SHTN1: variants seen among roughly 807,000 people sequenced by gnomAD.
SHTN1 encodes the protein shootin-1.
SHTN1 carries 42 observed loss-of-function variants against 83.1 expected under a neutral mutation model. The ratio of observed to expected loss-of-function variants is 0.51; its 90% CI spans 0.39 to 0.65. The LOEUF (loss-of-function observed/expected upper bound fraction) is 0.65. SHTN1 is among the 30% of genes least tolerant of loss of function. The probability of loss-of-function intolerance (pLI) is 0.00; values close to 1 mark genes in which losing one functional copy is unlikely to be tolerated. For synonymous variants in SHTN1, 224 were observed against 247.7 expected, an observed-to-expected ratio of 0.90 and a Z score of 0.90; for missense variants, 622 against 737.8, an observed-to-expected ratio of 0.84 and a Z score of 1.82.
At chr10:117,026,340 A>C (rs1201507303) in intron 2 of SHTN1, among the ~76,000 whole-genome samples, 1 of 152,064 alleles carries the variant, frequency 6.6e-6, no homozygotes, top group Admixed American at 6.5e-5. Flanking sequence ...GCCTTTGGAA[A>C]GGAGCAGAAA....
At chr10:117,093,219 A>G (rs1680777144) in intron 1 of SHTN1, among the ~76,000 whole-genome samples, 1 of 152,180 alleles carries the variant, frequency 6.6e-6, no homozygotes. Context: ...GATACATACA[A>G]TTAGAAATTG....
intron 1 of SHTN1, among the ~76,000 whole-genome samples, chr10:116,988,956 C>T (rs1421722008): frequency 1.3e-5 from 2 of 152,150 alleles, no homozygotes; most frequent in East Asian, 3.9e-4. Flanking sequence ...AACAGTCTTA[C>T]AGAATAAAAT....
At chr10:116,949,413 A>G (rs1200231358) in intron 6 of SHTN1, among the ~76,000 whole-genome samples, 1 of 152,132 alleles carries the variant, frequency 6.6e-6, no homozygotes, top group Non-Finnish European at 1.5e-5. Context: ...TACAGGCGTG[A>G]GCCACCATAC....
At chr10:116,927,351 T>C (rs530798233) in intron 11 of SHTN1, among the ~76,000 whole-genome samples, 91 of 152,262 alleles carry the variant, frequency 6.0e-4, no homozygotes, top group Non-Finnish European at 1.2e-3. Flanking sequence ...CTAATAAAGA[T>C]ATACCCGAGA....
rs572655826 is a variant in SHTN1 at position 116,938,129 on chromosome 10, A to C, written c.858+2337T>G. 1.5e-4 allele frequency among the ~76,000 whole-genome samples: 22 copies of C among 151,592 alleles called. 2 individuals carry two copies. The highest frequency in any genetic ancestry group is 5.3e-4 in the African/African-American group (22 of 41,304). On this transcript the variant is annotated intron_variant, in intron 9 of 16. Transcript: ENST00000355371. ...AGAACATGCTCCTTTAACTCGGAGG[A>C]GTTTGTTATTACCAACCTTCTGAAG...
chr10:116,968,234 G>C (rs1436062659), intron 3 of SHTN1, among the ~76,000 whole-genome samples: 1 of 152,098 alleles, frequency 6.6e-6, no homozygotes, highest in Non-Finnish European at 1.5e-5. Flanking sequence ...GTACTGACAT[G>C]CAAATATGAC....
intron 2 of SHTN1, among the ~76,000 whole-genome samples, chr10:117,022,455 T>A (rs1202916139): frequency 6.6e-6 from 1 of 152,158 alleles, no homozygotes; most frequent in Non-Finnish European, 1.5e-5. Flanking sequence ...TAAATGCTAT[T>A]GCTGAATGTA....
intron 1 of SHTN1, among the ~76,000 whole-genome samples, chr10:117,078,928 T>C (rs963766217): frequency 1.3e-5 from 2 of 152,206 alleles, no homozygotes; most frequent in Admixed American, 1.3e-4. Flanking sequence ...ATCCTTACAA[T>C]GTCCATTAGA....
intron 1 of SHTN1, among the ~76,000 whole-genome samples, chr10:117,115,784 C>T (rs1024546551): frequency 2.0e-5 from 3 of 152,194 alleles, no homozygotes; most frequent in Non-Finnish European, 2.9e-5. Flanking sequence ...CTATACTGAG[C>T]TTTTGCTATA....
At chr10:116,918,327 T>TA (rs201624226) in intron 12 of SHTN1, among the ~76,000 whole-genome samples, 3,051 of 138,708 alleles carry the variant, frequency 0.022, 82 homozygotes, top group African/African-American at 0.067. Context: ...TAGTTCCTTA[T>TA]AAAAAAAAAA....
At chr10:117,085,466 C>A (rs1027117953) in intron 1 of SHTN1, among the ~76,000 whole-genome samples, 1 of 152,048 alleles carries the variant, frequency 6.6e-6, no homozygotes, top group South Asian at 2.1e-4. Flanking sequence ...TCTTTATTAC[C>A]GATTTCTAGT....
At chr10:116,983,719 C>G (rs1262023294) in intron 1 of SHTN1, among the ~76,000 whole-genome samples, 1 of 150,602 alleles carries the variant, frequency 6.6e-6, no homozygotes, top group Admixed American at 6.7e-5. Context: ...TACATACATA[C>G]ATACATGCAT....
intron 10 of SHTN1, among the ~76,000 whole-genome samples, chr10:116,929,526 T>C (rs2133377751): frequency 6.6e-6 from 1 of 152,272 alleles, no homozygotes; most frequent in Non-Finnish European, 1.5e-5. Context: ...AAGTACATAA[T>C]GAACATTCAT....
intron 1 of SHTN1, among the ~76,000 whole-genome samples, chr10:117,077,493 ATTATT>A (rs759941442): frequency 6.6e-5 from 10 of 150,998 alleles, no homozygotes; most frequent in Non-Finnish European, 1.2e-4. Flanking sequence ...CTTTTTTTTT[ATTATT>A]TTAAGTTTTA....
At chr10:117,055,647 T>G (rs1852816773) in intron 1 of SHTN1, among the ~76,000 whole-genome samples, 1 of 152,164 alleles carries the variant, frequency 6.6e-6, no homozygotes, top group Non-Finnish European at 1.5e-5. Flanking sequence ...GTGGGAGGAT[T>G]GCATGAGGCC....
At chr10:116,981,972 C>T (rs1406561661) in intron 1 of SHTN1, among the ~76,000 whole-genome samples, 2 of 152,144 alleles carry the variant, frequency 1.3e-5, no homozygotes, top group Non-Finnish European at 2.9e-5. Flanking sequence ...GCAGAAGAAT[C>T]GCTTGATCCC....
intron 12 of SHTN1, among the ~76,000 whole-genome samples, chr10:116,915,954 A>G (rs534546672): frequency 2.6e-5 from 4 of 152,362 alleles, no homozygotes; most frequent in South Asian, 4.1e-4. Context: ...TCTTGTTGGA[A>G]TAAGTCTATA....
intron 8 of SHTN1, among the ~76,000 whole-genome samples, chr10:116,942,079 A>G (rs762326164): frequency 2.6e-5 from 4 of 152,218 alleles, no homozygotes; most frequent in Non-Finnish European, 4.4e-5. Flanking sequence ...GTGCATGTAC[A>G]CTTGGCTGGA....
chr10:117,099,527 A>T (rs1169875552), intron 1 of SHTN1, among the ~76,000 whole-genome samples: 1 of 152,158 alleles, frequency 6.6e-6, no homozygotes, highest in Admixed American at 6.5e-5. Flanking sequence ...CAAGTTCACA[A>T]AGTTGTTAAA....
Sources: allele counts gnomAD v4.1 joint callset (sites outside exome capture counted in the v4.1 genomes callset), GRCh38; gene constraint gnomAD v4.1.1; transcripts MANE v1.5; gene names NCBI Gene and HGNC (gene_info 2026-07-23, HGNC 2026-07-21).